AGBL4: variants seen among roughly 807,000 people sequenced by gnomAD.
AGBL4 encodes AGBL carboxypeptidase 4.
In AGBL4, 58 loss-of-function variants were observed where a neutral mutation model predicts 66.4. The ratio of observed to expected loss-of-function variants is 0.87; its 90% confidence interval spans 0.71 to 1.09. The LOEUF (loss-of-function observed/expected upper bound fraction) is 1.09, where lower values mean the gene tolerates loss of function less well. AGBL4 is among the 50% of genes least tolerant of loss of function. The probability of loss-of-function intolerance (pLI) is 0.00; values close to 1 mark genes in which losing one functional copy is unlikely to be tolerated. For synonymous variants in AGBL4, 234 were observed against 222.9 expected, an observed-to-expected ratio of 1.05 and a Z score of -0.44; for missense variants, 579 against 631.0, an observed-to-expected ratio of 0.92 and a Z score of 0.88.
chr1:49,910,528 T>C (rs1319015229), intron 1 of AGBL4, among the ~76,000 whole-genome samples: 1 of 151,556 alleles, frequency 6.6e-6, no homozygotes, highest in Non-Finnish European at 1.5e-5. Context: ...ATGGAGCAAA[T>C]GATGGAAGAG....
chr1:48,876,357 G>C (rs1382449732), intron 5 of AGBL4, among the ~76,000 whole-genome samples: 2 of 152,106 alleles, frequency 1.3e-5, no homozygotes, highest in East Asian at 3.9e-4. Flanking sequence ...GTCAGATGGG[G>C]GTTGTGCTAG....
At chr1:49,896,286 G>A (rs1411746097) in intron 1 of AGBL4, among the ~76,000 whole-genome samples, 1 of 152,040 alleles carries the variant, frequency 6.6e-6, no homozygotes, top group Non-Finnish European at 1.5e-5. Flanking sequence ...ATAATAGCTG[G>A]AGACATAAAC....
intron 11 of AGBL4, among the ~76,000 whole-genome samples, chr1:48,581,578 G>A (rs755073882): frequency 7.9e-5 from 12 of 152,186 alleles, no homozygotes; most frequent in Non-Finnish European, 1.2e-4. Flanking sequence ...CGTTTGAACA[G>A]AGCATATTTA....
At chr1:49,738,157 C>A (rs1650061530) in intron 2 of AGBL4, among the ~76,000 whole-genome samples, 1 of 152,230 alleles carries the variant, frequency 6.6e-6, no homozygotes, top group Non-Finnish European at 1.5e-5. Flanking sequence ...CCTTTCCTAG[C>A]CAAGGACAGC....
intron 5 of AGBL4, among the ~76,000 whole-genome samples, chr1:48,912,688 C>A (rs1177182522): frequency 6.6e-6 from 1 of 152,156 alleles, no homozygotes. Context: ...GGGCTCTCTC[C>A]CCTGTATGTA....
intron 4 of AGBL4, among the ~76,000 whole-genome samples, chr1:49,134,100 G>A (rs1292303338): frequency 6.6e-6 from 1 of 152,006 alleles, no homozygotes; most frequent in East Asian, 1.9e-4. Context: ...GTTCCATCAT[G>A]TCCCCTGAGC....
intron 2 of AGBL4, among the ~76,000 whole-genome samples, chr1:49,751,790 CCTGGTTTAGT>C (rs1430122233): frequency 6.6e-6 from 1 of 152,108 alleles, no homozygotes; most frequent in Non-Finnish European, 1.5e-5. Flanking sequence ...TCAAATGATT[CCTGGTTTAGT>C]CTTAGGTGAT....
At chr1:49,872,103 AT>A (rs551808935) in intron 1 of AGBL4, among the ~76,000 whole-genome samples, 1 of 151,792 alleles carries the variant, frequency 6.6e-6, no homozygotes, top group Non-Finnish European at 1.5e-5. Context: ...ATATTTTGTG[AT>A]TTTTTTTGTT....
intron 2 of AGBL4, among the ~76,000 whole-genome samples, chr1:49,848,047 G>A (rs938722378): frequency 6.6e-6 from 1 of 151,818 alleles, no homozygotes; most frequent in Non-Finnish European, 1.5e-5. Context: ...TCACAGAAAT[G>A]CAATTAAAAC....
intron 5 of AGBL4, among the ~76,000 whole-genome samples, chr1:48,933,440 A>G (rs756877783): frequency 7.9e-5 from 12 of 152,110 alleles, no homozygotes; most frequent in Non-Finnish European, 1.3e-4. Flanking sequence ...GCTGACTTTT[A>G]TTTTTTTAGT....
chr1:49,956,426 GA>G (rs1175656737), intron 1 of AGBL4, among the ~76,000 whole-genome samples: 2 of 151,596 alleles, frequency 1.3e-5, no homozygotes, highest in Non-Finnish European at 2.9e-5. Flanking sequence ...AAAATAAAAA[GA>G]GGCATAAAAA....
Position 48,619,985 on chromosome 1 carries a change from G to T in AGBL4, c.951+14508C>A, listed in dbSNP as rs189771137. On this transcript the variant is annotated intron_variant, in intron 9 of 13. Coordinates refer to ENST00000371839, the MANE Select transcript of AGBL4 (RefSeq NM_032785.4). Reference sequence around the variant, plus strand: ...CTGTCGTCAGCCCTTAGGGATTATGGTGAATTGCCCCCAAAACACACATGC... The same window carrying T: ...CTGTCGTCAGCCCTTAGGGATTATGTTGAATTGCCCCCAAAACACACATGC... Among the ~76,000 whole-genome samples the T allele has an allele frequency of 1.7e-3, 253 of 152,226 alleles. 1 individual carries two copies. Among genetic ancestry groups the T allele is most frequent in the Non-Finnish European group, 3.1e-3 (209 of 68,024 alleles).
At chr1:48,892,606 G>C (rs74217058) in intron 5 of AGBL4, among the ~76,000 whole-genome samples, 1 of 152,108 alleles carries the variant, frequency 6.6e-6, no homozygotes. Flanking sequence ...GCGGGGAGGG[G>C]GCTTCAGGGC....
chr1:49,697,566 A>G, intron 2 of AGBL4, 129 bp from the exon 3 acceptor site: 1 of 782,782 alleles, frequency 1.3e-6, no homozygotes. Context: ...TTCAGTGTTC[A>G]CAATCCAAAG....
intron 1 of AGBL4, among the ~76,000 whole-genome samples, chr1:49,933,633 A>G (rs902191713): frequency 6.6e-6 from 1 of 152,150 alleles, no homozygotes; most frequent in Non-Finnish European, 1.5e-5. Context: ...GCAAATTATG[A>G]CAATAACAAA....
chr1:49,420,847 T>G (rs1645530920), intron 3 of AGBL4, among the ~76,000 whole-genome samples: 1 of 152,224 alleles, frequency 6.6e-6, no homozygotes, highest in Non-Finnish European at 1.5e-5. Context: ...TGCCATATCC[T>G]GTGCTAGATG....
chr1:48,608,952 T>G (rs1645194820), intron 9 of AGBL4, among the ~76,000 whole-genome samples: 1 of 152,196 alleles, frequency 6.6e-6, no homozygotes, highest in Non-Finnish European at 1.5e-5. Flanking sequence ...CCTAACCTTT[T>G]GAGGTTGGCG....
chr1:49,464,134 G>C (rs1646575141), intron 3 of AGBL4, among the ~76,000 whole-genome samples: 1 of 151,720 alleles, frequency 6.6e-6, no homozygotes, highest in Non-Finnish European at 1.5e-5. Flanking sequence ...GGAAACTGTG[G>C]AACTCTGCAA....
At chr1:49,264,823 G>C (rs1239226231) in intron 3 of AGBL4, among the ~76,000 whole-genome samples, 1 of 152,174 alleles carries the variant, frequency 6.6e-6, no homozygotes, top group Non-Finnish European at 1.5e-5. Flanking sequence ...GGGATTATAG[G>C]CGTGAGCCAC....
Sources: allele counts gnomAD v4.1 joint callset (sites outside exome capture counted in the v4.1 genomes callset), GRCh38; gene constraint gnomAD v4.1.1; transcripts MANE v1.5; gene names NCBI Gene and HGNC (gene_info 2026-07-23, HGNC 2026-07-21).